Variants in AKT2 observed in about 807,000 individuals in gnomAD.
AKT2 encodes AKT serine/threonine kinase 2.
AKT2 carries 16 observed loss-of-function variants against 58.6 expected under a neutral mutation model. That is an observed-to-expected ratio of 0.27 (90% CI 0.18 to 0.41). The LOEUF (loss-of-function observed/expected upper bound fraction) is 0.41, where lower values mean the gene tolerates loss of function less well. AKT2 is among the 10% of genes least tolerant of loss of function. The probability of loss-of-function intolerance (pLI) is 1.00; values close to 1 mark genes in which losing one functional copy is unlikely to be tolerated. For missense variants in AKT2, 438 were observed against 661.0 expected (o/e 0.66, Z 3.70); for synonymous variants, 253 against 254.0 (o/e 1.00, Z 0.04).
chr19:40,241,642 G>A (rs927562223), intron 6 of AKT2: 14 of 451,624 alleles, frequency 3.1e-5, no homozygotes, highest in African/African-American at 2.2e-4. Flanking sequence ...CCCCAACAGC[G>A]ACGTCCTCCC....
In AKT2 at chr19:40,256,909, C is replaced by T. The variant is rs1174582594; in HGVS notation, c.175+17G>A. 3 of 1,614,014 alleles carry T rather than the reference C, an allele frequency of 1.9e-6. No homozygotes were observed. Among genetic ancestry groups the T allele is most frequent in the Non-Finnish European group, 2.5e-6 (3 of 1,179,900 alleles). On this transcript the variant is annotated intron_variant, in intron 3 of 13. Transcript: ENST00000392038. ...CTGTGAGCACCAGAACACTGACCCACTCATCCCAAGACACACCTGCTACGG... is the reference window on the plus strand; with the variant it reads ...CTGTGAGCACCAGAACACTGACCCATTCATCCCAAGACACACCTGCTACGG...
intron 1 of AKT2, among the ~76,000 whole-genome samples, chr19:40,278,562 G>A (rs1243073516): frequency 6.6e-6 from 1 of 151,990 alleles, no homozygotes; most frequent in Admixed American, 6.6e-5. Context: ...GTACAGTGGT[G>A]GGAGTGATTC....
chr19:40,271,461 A>G (rs972669585), intron 1 of AKT2, among the ~76,000 whole-genome samples: 6 of 150,846 alleles, frequency 4.0e-5, no homozygotes, highest in Non-Finnish European at 7.4e-5. Context: ...AAACCCAAAG[A>G]CAACAGGAAC....
chr19:40,259,258 C>T (rs1975768383), intron 2 of AKT2, among the ~76,000 whole-genome samples: 1 of 151,874 alleles, frequency 6.6e-6, no homozygotes, highest in African/African-American at 2.4e-5. Context: ...AAATACTGTT[C>T]CTTGCAGAGC....
chr19:40,265,508 T>G, intron 1 of AKT2, 157 bp from the exon 2 acceptor site: 1 of 997,906 alleles, frequency 1.0e-6, no homozygotes, highest in South Asian at 1.7e-5. Flanking sequence ...AAGGACCCAT[T>G]CTGAGCAGAG....
Position 40,285,172 on chromosome 19 carries a change from C to T in AKT2, c.-85+9G>A. The T allele has an allele frequency of 2.5e-6, 1 of 394,014 alleles. No homozygotes were observed. Among genetic ancestry groups the T allele is most frequent in the Non-Finnish European group, 4.5e-6 (1 of 223,008 alleles). The allele number at this position is 394,014 out of a possible 1,614,324, so 24.4% of individuals were successfully genotyped here. A position where few individuals can be genotyped will look rare whatever the true frequency, so the allele number is the denominator to read the frequency against. ...GGGGGCGTTCGGGGACACGCGCTGG[C>T]GCACTCACCTGTCACCGGCAGCCGC... On this transcript the variant is annotated intron_variant, in intron 1 of 13. Coordinates refer to ENST00000392038, the MANE Select transcript of AKT2 (RefSeq NM_001626.6).
rs532660619 is a variant in AKT2, at chr19:40,250,528, G to A, written c.287+4630C>T. On this transcript the variant is annotated intron_variant, in intron 4 of 13. Transcript: ENST00000392038. ...AAAAAAAAAAGAAAGAAAGATTTAC[G>A]TCAAAAAGATCACAGATGGCCAGGC... Among the ~76,000 whole-genome samples the A allele has an allele frequency of 6.1e-5, 9 of 147,628 alleles. No homozygotes were observed. In the East Asian group the frequency reaches 1.0e-3, roughly 17 times the overall value.
At chr19:40,261,925 T>C (rs1172795079) in intron 2 of AKT2, among the ~76,000 whole-genome samples, 1 of 149,770 alleles carries the variant, frequency 6.7e-6, no homozygotes, top group Non-Finnish European at 1.5e-5. Flanking sequence ...TTTTAAAGGA[T>C]AAAAACTAAA....
rs200970521 is a variant in AKT2 at position 40,249,708 on chromosome 19, T to A, written c.287+5450A>T. On this transcript the variant is annotated intron_variant, in intron 4 of 13. Transcript: ENST00000392038. ...CTTGTGAGGAGAAAATAAATTAATA[T>A]ATGAAAAGTCCTCGGAACAGGATCT... is the stretch of plus-strand genomic sequence containing the variant. 2.0e-5 allele frequency among the ~76,000 whole-genome samples: 3 copies of A among 152,358 alleles called. No homozygotes were observed. The East Asian group carries it at 5.8e-4, about 29-fold the overall frequency.
chr19:40,245,435 G>C (rs1974683544), intron 4 of AKT2, among the ~76,000 whole-genome samples: 2 of 152,172 alleles, frequency 1.3e-5, no homozygotes, highest in African/African-American at 4.8e-5. Context: ...TCCTAAGTTA[G>C]AAAATAATGA....
chr19:40,247,094 C>T (rs117090198), intron 4 of AKT2, among the ~76,000 whole-genome samples: 2,677 of 152,312 alleles, frequency 0.018, 35 homozygotes, highest in Non-Finnish European at 0.029. Flanking sequence ...GACTAGCTTC[C>T]GATCCAATTC....
chr19:40,235,041 TCA>T lies in AKT2; in HGVS notation c.1366+2_1366+3del. ...ACACCAGCGCGGGGGCCCCAGGCAC[TCA>T]CAGCGGTCAGGGGGTGTGATTGTGA... On this transcript the variant is annotated splice_donor_variant and splice_donor_region_variant and intron_variant, in intron 13 of 13. Transcript: ENST00000392038. LOFTEE classifies it high-confidence loss of function. The surrounding 1 kb of genome is among the most constrained non-coding windows in gnomAD (Gnocchi z 6.3). 1 of 1,613,842 alleles carries T rather than the reference TCA, an allele frequency of 6.2e-7. No homozygotes were observed. Among genetic ancestry groups the T allele is most frequent in the Non-Finnish European group, 8.5e-7 (1 of 1,179,740 alleles).
rs188710541 is a variant in AKT2 at position 40,236,075 on chromosome 19, G to A, written c.990C>T (p.Ala330=). Residue 330 remains alanine, a synonymous_variant, in exon 11 of 14, where the codon GCC becomes GCT. Transcript: ENST00000392038. ...EVLEDNDYGR[A]VDWWGLGVVM... is the part of the protein sequence containing the mutation. ...CCACACCCAGCCCCCACCAGTCCAC[G>A]GCCCGGCCATAGTCATTGTCCTCCA... 4.7e-5 allele frequency: 76 copies of A among 1,614,108 alleles called. No homozygotes were observed. In the East Asian group the frequency reaches 7.4e-4, roughly 16 times the overall value.
chr19:40,262,224 T>G (rs549693924), intron 2 of AKT2, among the ~76,000 whole-genome samples: 1 of 148,162 alleles, frequency 6.7e-6, no homozygotes, highest in South Asian at 2.1e-4. Context: ...CTGGGCAATA[T>G]AGCAAGACCA....
chr19:40,239,028 C>T, intron 7 of AKT2, 55 bp from the exon 8 acceptor site: 3 of 1,580,630 alleles, frequency 1.9e-6, no homozygotes, highest in Non-Finnish European at 2.6e-6. Flanking sequence ...CTCTGCTGAG[C>T]CATGCCAGGG....
chr19:40,235,227 C>T lies in AKT2; in HGVS notation c.1263+36G>A, dbSNP rs545452196. The stretch of plus-strand genomic sequence containing the variant: ...AAGGTCACCACGAGTGGGCCAGGTC[C>T]CTGAGGGTCCTGCTGGGGCAAGCAG... On this transcript the variant is annotated intron_variant, in intron 12 of 13. Transcript: ENST00000392038. The surrounding 1 kb of genome is among the most constrained non-coding windows in gnomAD (Gnocchi z 6.3). The T allele has an allele frequency of 6.2e-7, 1 of 1,613,976 alleles. No individual in the cohort carries two copies. Among genetic ancestry groups the T allele is most frequent in the Admixed American group, 1.7e-5 (1 of 60,014 alleles).
At chr19:40,236,810 A>T in intron 9 of AKT2, 1 of 275,230 alleles carries the variant, frequency 3.6e-6, no homozygotes, top group Non-Finnish European at 7.2e-6. Flanking sequence ...GATTGCTTGA[A>T]CCCATGAGTT....
chr19:40,236,201 G>C, intron 10 of AKT2, 56 bp downstream of exon 10: 2 of 1,613,358 alleles, frequency 1.2e-6, no homozygotes, highest in Non-Finnish European at 1.7e-6. Flanking sequence ...ACACAGGTCT[G>C]GGGGATCCCC....
chr19:40,285,060 G>A (rs1252400647), intron 1 of AKT2, 121 bp downstream of exon 1: 1 of 385,586 alleles, frequency 2.6e-6, no homozygotes, highest in East Asian at 3.7e-5. Context: ...CCTGAAGGAG[G>A]GGCTCGAGGG....
Sources: gnomAD v4.1 joint callset for allele counts (sites outside exome capture counted in the v4.1 genomes callset) on GRCh38, gnomAD v4.1.1 for gene constraint, Gnocchi (gnomAD v3.1) non-coding constraint, MANE v1.5 for transcripts, NCBI Gene and HGNC (gene_info 2026-07-23, HGNC 2026-07-21) for gene names.